Variants in NTNG1 observed in about 807,000 individuals in gnomAD.
NTNG1 encodes the protein netrin G1, also known as netrin-G1.
NTNG1 carries 16 observed loss-of-function variants against 54.0 expected under a neutral mutation model. That is an observed-to-expected ratio of 0.30 (90% CI 0.20 to 0.45). The LOEUF (loss-of-function observed/expected upper bound fraction) is 0.45. Ranked by LOEUF, NTNG1 falls within the 20% of genes least tolerant of loss-of-function variation. The pLI, the probability that NTNG1 is intolerant of heterozygous loss-of-function variation, is 1.00. For missense variants in NTNG1, 530 were observed against 678.7 expected (o/e 0.78, Z 2.43); for synonymous variants, 255 against 263.1 (o/e 0.97, Z 0.30).
intron 3 of NTNG1, among the ~76,000 whole-genome samples, chr1:107,390,532 G>A (rs955863189): frequency 7.2e-5 from 11 of 152,110 alleles, no homozygotes; most frequent in African/African-American, 1.9e-4. Flanking sequence ...ATTTCATAGC[G>A]TCTCCTTTCT....
chr1:107,207,720 G>A (rs138925022), intron 2 of NTNG1, among the ~76,000 whole-genome samples: 41 of 152,126 alleles, frequency 2.7e-4, no homozygotes, highest in Admixed American at 2.0e-3. Context: ...GATGATTCAC[G>A]TGCCCATTTC....
intron 2 of NTNG1, among the ~76,000 whole-genome samples, chr1:107,215,098 A>G (rs1659865942): frequency 6.6e-6 from 1 of 151,954 alleles, no homozygotes; most frequent in South Asian, 2.1e-4. Context: ...TACTCTGATG[A>G]TTATTTATTT....
chr1:107,400,603 A>G (rs1246335738), intron 4 of NTNG1, among the ~76,000 whole-genome samples: 1 of 152,078 alleles, frequency 6.6e-6, no homozygotes, highest in Non-Finnish European at 1.5e-5. Context: ...GAAATTTAAG[A>G]ATAGGTCCAT....
At chr1:107,431,117 T>C (rs926439386) in intron 6 of NTNG1, among the ~76,000 whole-genome samples, 200 bp downstream of exon 6, 1 of 152,146 alleles carries the variant, frequency 6.6e-6, no homozygotes, top group Non-Finnish European at 1.5e-5. Context: ...CTTTGAACCC[T>C]TATGTTGTTG....
At chr1:107,437,431 G>A (rs775700794) in intron 7 of NTNG1, among the ~76,000 whole-genome samples, 4 of 152,198 alleles carry the variant, frequency 2.6e-5, no homozygotes, top group Non-Finnish European at 5.9e-5. Context: ...GTCAAGGCAC[G>A]TGGCATGTCA....
intron 2 of NTNG1, among the ~76,000 whole-genome samples, chr1:107,298,371 CAT>C (rs1466021378): frequency 6.6e-6 from 1 of 152,066 alleles, no homozygotes; most frequent in African/African-American, 2.4e-5. Context: ...TCTGCACTAT[CAT>C]AGACCTTAAG....
At chr1:107,300,952 A>G (rs188005536) in intron 2 of NTNG1, among the ~76,000 whole-genome samples, 259 of 152,236 alleles carry the variant, frequency 1.7e-3, no homozygotes, top group South Asian at 3.3e-3. Context: ...AATTCAAATA[A>G]TTGCAGTGTC....
chr1:107,407,955 G>A (rs1673556649), intron 5 of NTNG1: 2 of 695,354 alleles, frequency 2.9e-6, no homozygotes, highest in South Asian at 2.8e-5. Flanking sequence ...TAACCAGTGA[G>A]GGCTACCTAG....
intron 3 of NTNG1, among the ~76,000 whole-genome samples, chr1:107,375,558 T>C (rs1671180304): frequency 1.3e-5 from 2 of 152,222 alleles, no homozygotes; most frequent in South Asian, 4.1e-4. Context: ...TCAGCTATTT[T>C]TAAATGGCAG....
At chr1:107,274,652 G>A (rs959828682) in intron 2 of NTNG1, among the ~76,000 whole-genome samples, 1 of 152,160 alleles carries the variant, frequency 6.6e-6, no homozygotes, top group African/African-American at 2.4e-5. Flanking sequence ...GGAGAGACTC[G>A]AACATATTCT....
intron 2 of NTNG1, among the ~76,000 whole-genome samples, chr1:107,317,126 A>C (rs1667381147): frequency 6.6e-6 from 1 of 152,186 alleles, no homozygotes; most frequent in African/African-American, 2.4e-5. Context: ...TCGAACATCA[A>C]ATTAGAGCTT....
chr1:107,203,318 CT>C (rs946936222), intron 2 of NTNG1, among the ~76,000 whole-genome samples: 9 of 149,530 alleles, frequency 6.0e-5, no homozygotes, highest in East Asian at 2.0e-4. Context: ...CTGAAAATGT[CT>C]TTTTTTTTGC....
intron 2 of NTNG1, among the ~76,000 whole-genome samples, chr1:107,220,753 T>C (rs1247343435): frequency 1.3e-5 from 2 of 152,188 alleles, no homozygotes; most frequent in Non-Finnish European, 2.9e-5. Context: ...ATCTTTATCA[T>C]TAAGACTCTA....
intron 2 of NTNG1, among the ~76,000 whole-genome samples, chr1:107,285,964 A>G (rs1570586908): frequency 1.3e-5 from 2 of 152,314 alleles, no homozygotes; most frequent in South Asian, 2.1e-4. Context: ...CAATAAAAAA[A>G]TAAATGTCAG....
At chr1:107,463,465 A>G (rs1026344592) in intron 7 of NTNG1, among the ~76,000 whole-genome samples, 1 of 152,244 alleles carries the variant, frequency 6.6e-6, no homozygotes, top group African/African-American at 2.4e-5. Context: ...TGAATTGTCA[A>G]AATTTTCATC....
intron 2 of NTNG1, among the ~76,000 whole-genome samples, chr1:107,246,425 T>C (rs1443737848): frequency 7.1e-6 from 1 of 141,354 alleles, no homozygotes; most frequent in Non-Finnish European, 1.5e-5. Flanking sequence ...AAAAAAAAAA[T>C]GTCCTTGTGG....
chr1:107,297,553 A>G (rs1230134324), intron 2 of NTNG1, among the ~76,000 whole-genome samples: 1 of 152,042 alleles, frequency 6.6e-6, no homozygotes, highest in African/African-American at 2.4e-5. Flanking sequence ...TGGAATCTGC[A>G]TTCTTAAACA....
chr1:107,259,265 T>C (rs1336061217), intron 2 of NTNG1, among the ~76,000 whole-genome samples: 1 of 152,164 alleles, frequency 6.6e-6, no homozygotes, highest in Admixed American at 6.5e-5. Context: ...TCAAACTGTT[T>C]CCATCTGCAT....
chr1:107,416,686 G>T (rs924389185), intron 5 of NTNG1, among the ~76,000 whole-genome samples: 3 of 151,890 alleles, frequency 2.0e-5, no homozygotes, highest in Non-Finnish European at 2.9e-5. Context: ...TTCTAAAATT[G>T]ATTTAATATA....
Sources: gnomAD v4.1 joint callset for allele counts (sites outside exome capture counted in the v4.1 genomes callset) on GRCh38, gnomAD v4.1.1 for gene constraint, MANE v1.5 for transcripts, NCBI Gene and HGNC (gene_info 2026-07-23, HGNC 2026-07-21) for gene names.